The following RAB27B variants were observed in gnomAD, a reference collection of about 807,000 sequenced individuals.
RAB27B encodes the protein ras-related protein Rab-27B.
Under a neutral mutation model 24.6 loss-of-function variants are expected in RAB27B, and 15 were observed. The ratio of observed to expected loss-of-function variants is 0.61; its 90% CI spans 0.41 to 0.94. The LOEUF is 0.94. Ranked by LOEUF, RAB27B falls within the 40% of genes least tolerant of loss-of-function variation. The pLI is 0.00. For missense variants in RAB27B, 261 were observed against 266.8 expected, an observed-to-expected ratio of 0.98 and a Z score of 0.15; for synonymous variants, 105 against 92.5, an observed-to-expected ratio of 1.14 and a Z score of -0.78.
intron 2 of RAB27B, among the ~76,000 whole-genome samples, chr18:54,772,069 C>CT (rs1440042954): frequency 2.0e-5 from 3 of 152,094 alleles, no homozygotes; most frequent in African/African-American, 7.2e-5. Context: ...GTTGCTTTTG[C>CT]TTTTTGGTGA....
At chr18:54,821,223 G>A (rs1328022738) in intron 2 of RAB27B, among the ~76,000 whole-genome samples, 3 of 152,154 alleles carry the variant, frequency 2.0e-5, no homozygotes, top group Admixed American at 2.0e-4. Flanking sequence ...AAAATAACAA[G>A]CATTCTTATA....
intron 1 of RAB27B, among the ~76,000 whole-genome samples, chr18:54,870,294 A>C (rs114787756): frequency 6.6e-6 from 1 of 152,178 alleles, no homozygotes; most frequent in Non-Finnish European, 1.5e-5. Context: ...ATTCTACATA[A>C]GGAAATCCAT....
intron 1 of RAB27B, among the ~76,000 whole-genome samples, chr18:54,831,393 G>A (rs1910670976): frequency 6.6e-6 from 1 of 152,090 alleles, no homozygotes; most frequent in Non-Finnish European, 1.5e-5. Flanking sequence ...GGAGATAATG[G>A]GGACAGGTCT....
intron 2 of RAB27B, among the ~76,000 whole-genome samples, chr18:54,748,608 A>G (rs1023313307): frequency 5.9e-5 from 9 of 152,124 alleles, no homozygotes; most frequent in Non-Finnish European, 1.3e-4. Flanking sequence ...GATGGACCCA[A>G]CCTGGGTTGA....
At chr18:54,846,404 C>A (rs1037790385) in intron 1 of RAB27B, among the ~76,000 whole-genome samples, 2 of 152,204 alleles carry the variant, frequency 1.3e-5, no homozygotes, top group Non-Finnish European at 2.9e-5. Flanking sequence ...TTTGTAGCAA[C>A]TTTATAGAAT....
At chr18:54,763,376 C>T (rs74993976) in intron 2 of RAB27B, among the ~76,000 whole-genome samples, 6,779 of 152,060 alleles carry the variant, frequency 0.045, 223 homozygotes, top group Middle Eastern at 0.11. Flanking sequence ...CAAGCTCCTT[C>T]CAAAACCATA....
chr18:54,785,744 A>G (rs577058488), intron 2 of RAB27B, among the ~76,000 whole-genome samples: 114 of 152,320 alleles, frequency 7.5e-4, no homozygotes, highest in Middle Eastern at 3.4e-3. Flanking sequence ...GTGTTGTTCA[A>G]ACATGTAATA....
intron 2 of RAB27B, among the ~76,000 whole-genome samples, chr18:54,750,508 A>G (rs905939839): frequency 6.6e-6 from 1 of 152,114 alleles, no homozygotes; most frequent in African/African-American, 2.4e-5. Flanking sequence ...CTAAAGAAAC[A>G]AAGACCCAGC....
upstream of RAB27B, among the ~76,000 whole-genome samples, chr18:54,825,361 T>C (rs1910438050): frequency 6.6e-6 from 1 of 152,226 alleles, no homozygotes; most frequent in Non-Finnish European, 1.5e-5. Flanking sequence ...TCTCCAAAGT[T>C]CATCATCTTC....
intron 1 of RAB27B, among the ~76,000 whole-genome samples, chr18:54,850,097 A>G (rs368955144): frequency 6.6e-6 from 1 of 151,884 alleles, no homozygotes; most frequent in Admixed American, 6.6e-5. Context: ...GCCAACTCCT[A>G]GATCATCTCA....
chr18:54,813,025 G>C (rs1001308589), intron 2 of RAB27B, among the ~76,000 whole-genome samples: 4 of 152,144 alleles, frequency 2.6e-5, no homozygotes, highest in African/African-American at 9.7e-5. Flanking sequence ...GAAACAAAAT[G>C]TCATGGCATA....
chr18:54,881,181 A>G (rs1448763828), intron 3 of RAB27B, among the ~76,000 whole-genome samples: 1 of 152,164 alleles, frequency 6.6e-6, no homozygotes, highest in East Asian at 1.9e-4. Flanking sequence ...CTAGAAGCCA[A>G]TACTATGACA....
At chr18:54,739,826 G>C (rs1051300269) in intron 2 of RAB27B, among the ~76,000 whole-genome samples, 1 of 151,970 alleles carries the variant, frequency 6.6e-6, no homozygotes. Flanking sequence ...GGTATGTAGT[G>C]GTATCTCACT....
At chr18:54,824,552 C>T (rs567166298), upstream of RAB27B, among the ~76,000 whole-genome samples, 6 of 152,244 alleles carry the variant, frequency 3.9e-5, no homozygotes, top group South Asian at 1.2e-3. Context: ...GTTGGTTCTT[C>T]GCATCTGCGC....
At chr18:54,875,868 A>G (rs1405954568) in intron 1 of RAB27B, among the ~76,000 whole-genome samples, 1 of 152,206 alleles carries the variant, frequency 6.6e-6, no homozygotes, top group Non-Finnish European at 1.5e-5. Flanking sequence ...TATAAAAACA[A>G]AAAATTGTTT....
intron 2 of RAB27B, among the ~76,000 whole-genome samples, chr18:54,776,797 G>T (rs1355909007): frequency 3.3e-5 from 5 of 152,208 alleles, no homozygotes; most frequent in Non-Finnish European, 7.3e-5. Flanking sequence ...GGTCAGGCAT[G>T]CCCGTAATCC....
rs1006778342 is a variant in RAB27B at position 54,818,952 on chromosome 18, A to G, written c.-19-58615A>G. On this transcript the variant is annotated intron_variant, in intron 2 of 4. Transcript: ENST00000586570. The stretch of plus-strand genomic sequence containing the variant: ...TAAATTGAATGGTTCTAGCATATTC[A>G]TATTTTATATGAAGTATGTAGGGAT... Among the ~76,000 whole-genome samples the G allele has an allele frequency of 1.2e-4, 18 of 152,032 alleles. 1 individual carries two copies. The highest frequency in any genetic ancestry group is 5.2e-4 in the Admixed American group (8 of 15,272).
chr18:54,778,649 A>G (rs1908791596), intron 2 of RAB27B, among the ~76,000 whole-genome samples: 1 of 151,950 alleles, frequency 6.6e-6, no homozygotes, highest in Non-Finnish European at 1.5e-5. Flanking sequence ...AATGATTACT[A>G]TTTTCTGTTT....
In RAB27B at chr18:54,799,394, G is replaced by A. The variant is rs530803945; in HGVS notation, c.-19-78173G>A. Reference sequence around the variant, plus strand: ...TCTTAAAAGACCAAGTGACATCTGGGGTTAATAATTTTGTAGGTCATAAGA... The same window carrying A: ...TCTTAAAAGACCAAGTGACATCTGGAGTTAATAATTTTGTAGGTCATAAGA... On this transcript the variant is annotated intron_variant, in intron 2 of 4. Coordinates refer to the RAB27B transcript ENST00000586570. Among the ~76,000 whole-genome samples, 5 of 151,836 alleles carry A rather than the reference G, an allele frequency of 3.3e-5. No homozygotes were observed. In the South Asian group the frequency reaches 1.0e-3, roughly 32 times the overall value.
Sources: allele counts gnomAD v4.1 joint callset (sites outside exome capture counted in the v4.1 genomes callset), GRCh38; gene constraint gnomAD v4.1.1; transcripts MANE v1.5; gene names NCBI Gene and HGNC (gene_info 2026-07-23, HGNC 2026-07-21).